Variants in SCRIB observed in about 807,000 individuals in gnomAD.
SCRIB encodes protein scribble homolog.
In SCRIB, 72 loss-of-function variants were observed where a neutral mutation model predicts 170.0. The observed-to-expected ratio is 0.42, with a 90% CI of 0.35 to 0.52. The LOEUF is 0.52. SCRIB is among the 20% of genes least tolerant of loss of function. SCRIB has a pLI of 0.02. For synonymous variants in SCRIB, 1,298 were observed against 1,044.3 expected (o/e 1.24, Z -4.68); for missense variants, 2,475 against 2,338.5 (o/e 1.06, Z -1.20).
At chr8:143,799,683 G>A (rs1815091933) in intron 24 of SCRIB, among the ~76,000 whole-genome samples, 1 of 152,100 alleles carries the variant, frequency 6.6e-6, no homozygotes. Flanking sequence ...GGAGACTGAG[G>A]AGTAAAGTCA....
In SCRIB at chr8:143,811,159, C is replaced by T. The variant is rs1209819837; in HGVS notation, c.1093G>A (p.Val365Met). Residue 365 changes from valine (V) to methionine (M), a missense_variant, in exon 10 of 37, where the codon GTG (valine) becomes ATG (methionine). By Grantham distance (21) the Val-to-Met change is conservative. Around this residue, in one of 3 missense-constraint regions of SCRIB, gnomAD observed 487 missense variants for 558.1 expected, o/e 0.87. Transcript: ENST00000356994. ...GCTGGCACTCACCGGTTCCCCGCCACGTCCAGCACGTGCAGCTCTGTCGTG... is the reference window on the plus strand; with the variant it reads ...GCTGGCACTCACCGGTTCCCCGCCATGTCCAGCACGTGCAGCTCTGTCGTG... ...AHTTELHVLD[V>M]AGNRLQSLPF... 2 of 1,606,092 alleles carry T rather than the reference C, an allele frequency of 1.2e-6. No individual in the cohort carries two copies. Among genetic ancestry groups the T allele is most frequent in the East Asian group, 2.2e-5 (1 of 44,496 alleles).
intron 18 of SCRIB, among the ~76,000 whole-genome samples, chr8:143,805,681 G>A (rs1430329208): frequency 2.6e-5 from 4 of 152,170 alleles, no homozygotes; most frequent in South Asian, 4.1e-4. Context: ...CACTGGCCAC[G>A]GGAGGCAAGC....
In SCRIB at chr8:143,803,558, C is replaced by A. The variant is rs1587525049; in HGVS notation, c.3428G>T (p.Gly1143Val). 2.5e-6 allele frequency: 4 copies of A among 1,602,290 alleles called. No homozygotes were observed. The highest frequency in any genetic ancestry group is 2.5e-6 in the Non-Finnish European group (3 of 1,178,308). The change falls in exon 24 of 37, where the codon GGG (glycine) becomes GTG (valine). Residue 1143 changes from glycine to valine, a missense_variant. Around this residue, in one of 3 missense-constraint regions of SCRIB, gnomAD observed 1,966 missense variants for 1,742.9 expected, o/e 1.13. Coordinates refer to ENST00000356994, the MANE Select transcript of SCRIB (RefSeq NM_182706.5). ...CAGCCGACCGTCGCGCCCGGCTGCC[C>A]CCGTGGGGCTCACCTGTGGGGAGAC... ...GIFISKVSPT[G>V]AAGRDGRLRV... is the part of the protein sequence containing the mutation.
At position 143,810,815 on chromosome 8, in the gene SCRIB, C is replaced by G; in HGVS notation, c.1275G>C (p.Glu425Asp). 6.2e-7 allele frequency: 1 copy of G among 1,601,576 alleles called. No individual in the cohort carries two copies. Among genetic ancestry groups the G allele is most frequent in the East Asian group, 2.2e-5 (1 of 44,746 alleles). ...LLPQQPPPSLEDAGQQGSLSE... is the reference protein window; with the variant it reads ...LLPQQPPPSLDDAGQQGSLSE... ...AGAGGCTCCCCTGCTGCCCAGCATC[C>G]TCTGCAGCAGGTGAGCGTCAGGACC... Residue 425 changes from glutamate to aspartate, a missense_variant and splice_region_variant, in exon 12 of 37, where the codon GAG becomes GAC. Coordinates refer to ENST00000356994, the MANE Select transcript of SCRIB (RefSeq NM_182706.5).
In SCRIB at chr8:143,808,898, T is replaced by C; in HGVS notation, c.1826A>G (p.His609Arg). The C allele has an allele frequency of 1.2e-6, 2 of 1,610,282 alleles. No homozygotes were observed. The highest frequency in any genetic ancestry group is 1.7e-6 in the Non-Finnish European group (2 of 1,179,954). The change falls in exon 15 of 37, where the codon CAC (histidine) becomes CGC (arginine). Residue 609 changes from histidine to arginine, a missense_variant. Physicochemically the swap from His to Arg is conservative, Grantham distance 29. Around this residue, in one of 3 missense-constraint regions of SCRIB, gnomAD observed 1,966 missense variants for 1,742.9 expected, o/e 1.13. Coordinates refer to ENST00000356994, the MANE Select transcript of SCRIB (RefSeq NM_182706.5). ...RQRLIRKDTP[H>R]YKKHFKISKL... ...GGAGATCTTGAAGTGCTTTTTGTAGTGAGGTGTGTCCTTGCGGATGAGCCG... is the reference window on the plus strand; with the variant it reads ...GGAGATCTTGAAGTGCTTTTTGTAGCGAGGTGTGTCCTTGCGGATGAGCCG...
intron 24 of SCRIB, among the ~76,000 whole-genome samples, chr8:143,795,986 G>C (rs1209285937): frequency 1.3e-5 from 2 of 152,152 alleles, no homozygotes; most frequent in Non-Finnish European, 2.9e-5. Flanking sequence ...CTGAAACAAG[G>C]GACACCATGC....
intron 21 of SCRIB, 65 bp from the exon 22 acceptor site, chr8:143,804,221 C>A (rs1815307073): frequency 8.2e-7 from 1 of 1,223,132 alleles, no homozygotes; most frequent in Non-Finnish European, 1.1e-6. Context: ...TGGGAGGGCT[C>A]CCAAGAGTCC....
At chr8:143,793,111 G>C (rs1554633383) in intron 28 of SCRIB, 28 bp from the exon 29 acceptor site, 2 of 1,288,994 alleles carry the variant, frequency 1.6e-6, no homozygotes, top group South Asian at 3.2e-5. Flanking sequence ...TGTGAGCTAT[G>C]CTGGGGCAGC....
chr8:143,811,663 C>A (rs1815729737), intron 9 of SCRIB, among the ~76,000 whole-genome samples: 1 of 152,038 alleles, frequency 6.6e-6, no homozygotes. Context: ...TGTCTGGTGC[C>A]CCACTGGTCT....
At chr8:143,811,590 G>A (rs753252817) in intron 9 of SCRIB, among the ~76,000 whole-genome samples, 3 of 152,058 alleles carry the variant, frequency 2.0e-5, no homozygotes, top group African/African-American at 4.8e-5. Flanking sequence ...ACCCCACCAG[G>A]TCATCCCTGA....
chr8:143,811,789 C>A (rs996167080), intron 9 of SCRIB, among the ~76,000 whole-genome samples: 1 of 152,032 alleles, frequency 6.6e-6, no homozygotes, highest in Non-Finnish European at 1.5e-5. Flanking sequence ...CAGTGAGGAA[C>A]CCCCCCGGAA....
rs1215499753 is a variant in SCRIB at position 143,805,026 on chromosome 8, G to A, written c.2671-12C>T. 3.2e-6 allele frequency: 5 copies of A among 1,585,960 alleles called. No homozygotes were observed. The highest frequency in any genetic ancestry group is 2.3e-5 in the East Asian group (1 of 43,864). Reference sequence around the variant, plus strand: ...GAGACGAAGATGCCCTGCAGGGGAGGGTGGAGGAGGCAGGGCTGCCGGTGA... The same window carrying A: ...GAGACGAAGATGCCCTGCAGGGGAGAGTGGAGGAGGCAGGGCTGCCGGTGA... On this transcript the variant is annotated splice_polypyrimidine_tract_variant and intron_variant, in intron 19 of 36. Coordinates refer to ENST00000356994, the MANE Select transcript of SCRIB (RefSeq NM_182706.5).
At chr8:143,807,745 C>T (rs556588889) in intron 15 of SCRIB, 131 bp from the exon 16 acceptor site, 38 of 751,902 alleles carry the variant, frequency 5.1e-5, no homozygotes, top group Middle Eastern at 2.5e-4. Context: ...TGCCCTGGCA[C>T]GGGCGCCTCC....
At chr8:143,805,495 CTGG>C in intron 18 of SCRIB, 60 bp from the exon 19 acceptor site, 1 of 1,408,536 alleles carries the variant, frequency 7.1e-7, no homozygotes, top group South Asian at 1.5e-5. Flanking sequence ...CAGCCACGTG[CTGG>C]GGGCTCCACA....
At chr8:143,814,329 T>A (rs1815917076) in intron 1 of SCRIB, among the ~76,000 whole-genome samples, 1 of 151,844 alleles carries the variant, frequency 6.6e-6, no homozygotes. Context: ...CTCCCTCTAC[T>A]CTTCACACCA....
At chr8:143,793,849 G>A (rs375673473) in intron 28 of SCRIB, 51 bp downstream of exon 28, 12 of 1,580,836 alleles carry the variant, frequency 7.6e-6, no homozygotes, top group South Asian at 1.1e-5. Flanking sequence ...GCGGCCATCT[G>A]CCCTGCCCTC....
Position 143,813,828 on chromosome 8 carries a change from G to C in SCRIB, c.346C>G (p.Pro116Ala). 1 of 1,609,360 alleles carries C rather than the reference G, an allele frequency of 6.2e-7. No homozygotes were observed. Among genetic ancestry groups the C allele is most frequent in the Non-Finnish European group, 8.5e-7 (1 of 1,177,206 alleles). ...ALEIADFSGNPLSRLPDGFTQ... is the reference protein window; with the variant it reads ...ALEIADFSGNALSRLPDGFTQ... Reference sequence around the variant, plus strand: ...CAGGCTGCCACCCACCTGGAGAGGGGGTTCCCGCTGAAGTCCGCGATCTCC... The same window carrying C: ...CAGGCTGCCACCCACCTGGAGAGGGCGTTCCCGCTGAAGTCCGCGATCTCC... Residue 116 changes from proline to alanine, a missense_variant, in exon 3 of 37, where the codon CCC becomes GCC. Transcript: ENST00000356994.
At chr8:143,802,516 G>GC (rs1815217017) in intron 24 of SCRIB, among the ~76,000 whole-genome samples, 1 of 152,242 alleles carries the variant, frequency 6.6e-6, no homozygotes, top group Non-Finnish European at 1.5e-5. Context: ...GGAGCAGATG[G>GC]CCCCTCCAGG....
chr8:143,806,317 G>T, intron 18 of SCRIB, 90 bp downstream of exon 18: 1 of 1,030,594 alleles, frequency 9.7e-7, no homozygotes, highest in South Asian at 1.4e-5. Context: ...TGGGGAGGCC[G>T]GGAGAAGGCA....
Sources: allele counts gnomAD v4.1 joint callset (sites outside exome capture counted in the v4.1 genomes callset), GRCh38; gene constraint gnomAD v4.1.1; regional missense constraint gnomAD v4.1.1; transcripts MANE v1.5; gene names NCBI Gene and HGNC (gene_info 2026-07-23, HGNC 2026-07-21).